The following JCAD variants were observed in gnomAD, a reference collection of about 807,000 sequenced individuals.
JCAD encodes junctional cadherin 5-associated protein.
In JCAD, 40 loss-of-function variants were observed where a neutral mutation model predicts 98.0. The ratio of observed to expected loss-of-function variants is 0.41; its 90% CI spans 0.32 to 0.53. The LOEUF (loss-of-function observed/expected upper bound fraction) is 0.53. JCAD is among the 20% of genes least tolerant of loss of function. JCAD has a pLI of 0.31. For synonymous variants in JCAD, 691 were observed against 682.3 expected (o/e 1.01, Z -0.20); for missense variants, 1,705 against 1,738.1 (o/e 0.98, Z 0.34).
intron 1 of JCAD, among the ~76,000 whole-genome samples, chr10:30,102,899 A>G (rs1174224776): frequency 6.6e-6 from 1 of 151,978 alleles, no homozygotes; most frequent in African/African-American, 2.4e-5. Flanking sequence ...GTGCAGGGGA[A>G]CTCCCCTTTA....
At chr10:30,083,895 C>T (rs1838125281) in intron 1 of JCAD, among the ~76,000 whole-genome samples, 1 of 151,972 alleles carries the variant, frequency 6.6e-6, no homozygotes, top group South Asian at 2.1e-4. Flanking sequence ...CATAGTGGTA[C>T]ACACCTCTAG....
intron 1 of JCAD, among the ~76,000 whole-genome samples, chr10:30,111,962 G>C (rs1056078365): frequency 6.6e-6 from 1 of 152,156 alleles, no homozygotes; most frequent in African/African-American, 2.4e-5. Flanking sequence ...CTCCCAGGTA[G>C]ATGCCCCCAA....
intron 1 of JCAD, among the ~76,000 whole-genome samples, chr10:30,103,628 ACACC>A (rs545816266): frequency 0.03 from 2,700 of 89,682 alleles, 74 homozygotes; most frequent in African/African-American, 0.077. Context: ...ACACACACAC[ACACC>A]CACACACACT....
intron 3 of JCAD, among the ~76,000 whole-genome samples, chr10:30,021,233 C>T (rs1334303939): frequency 6.6e-6 from 1 of 152,242 alleles, no homozygotes; most frequent in East Asian, 1.9e-4. Flanking sequence ...GGGTCTCACT[C>T]TGTCACCCAA....
chr10:30,029,965 G>A (rs1207699797), intron 2 of JCAD, 99 bp from the exon 3 acceptor site: 2 of 1,360,484 alleles, frequency 1.5e-6, no homozygotes, highest in African/African-American at 2.9e-5. Context: ...CAGCAACTTT[G>A]AAAACTTGGT....
At chr10:30,079,785 ACC>A (rs918786061) in intron 1 of JCAD, among the ~76,000 whole-genome samples, 1 of 152,220 alleles carries the variant, frequency 6.6e-6, no homozygotes, top group Non-Finnish European at 1.5e-5. Flanking sequence ...ACTTACAAAA[ACC>A]AGACAGTTGG....
chr10:30,063,108 G>A (rs1023012157), upstream of JCAD, among the ~76,000 whole-genome samples: 1 of 150,850 alleles, frequency 6.6e-6, no homozygotes, highest in African/African-American at 2.4e-5. Context: ...TGCAATTTGG[G>A]TCTCTTGCTT....
At chr10:30,058,637 G>C (rs865881075) in intron 1 of JCAD, among the ~76,000 whole-genome samples, 1 of 152,208 alleles carries the variant, frequency 6.6e-6, no homozygotes, top group Non-Finnish European at 1.5e-5. Flanking sequence ...TGTGGCCAGG[G>C]CATCGAGGCA....
At chr10:30,048,166 G>A (rs541563959) in intron 1 of JCAD, among the ~76,000 whole-genome samples, 37 of 152,290 alleles carry the variant, frequency 2.4e-4, no homozygotes, top group African/African-American at 8.4e-4. Context: ...GCAGTGACAT[G>A]ATTAACACTG....
intron 1 of JCAD, among the ~76,000 whole-genome samples, chr10:30,106,006 C>G (rs932100885): frequency 6.6e-6 from 1 of 152,196 alleles, no homozygotes; most frequent in Non-Finnish European, 1.5e-5. Flanking sequence ...GGAAGGAACA[C>G]AGCACTCCCT....
At chr10:30,049,418 G>A (rs1218056472) in intron 1 of JCAD, among the ~76,000 whole-genome samples, 5 of 152,168 alleles carry the variant, frequency 3.3e-5, no homozygotes, top group South Asian at 2.1e-4. Flanking sequence ...CGGGTCTGTC[G>A]CACAATTCTG....
Position 30,028,944 on chromosome 10 carries a change from G to C in JCAD, c.1204C>G (p.Arg402Gly). The C allele has an allele frequency of 6.2e-7, 1 of 1,613,872 alleles. No homozygotes were observed. The highest frequency in any genetic ancestry group is 1.6e-4 in the Middle Eastern group (1 of 6,062). The change falls in exon 3 of 4, where the codon CGC becomes GGC. Residue 402 changes from arginine (R) to glycine (G), a missense_variant. Arg to Gly is a moderately radical substitution (Grantham distance 125). Around this residue, in one of 3 missense-constraint regions of JCAD, gnomAD observed 1,278 missense variants for 1,243.1 expected, o/e 1.03. Transcript: ENST00000375377. ...TGTGCGGGGAGCCCCTGAGGCAAGC[G>C]GGGGCTCACACCATACTCATTCCCA... The part of the protein sequence containing the change: ...GTGNEYGVSP[R>G]LPQGLPAHPR...
intron 1 of JCAD, among the ~76,000 whole-genome samples, chr10:30,057,019 A>G (rs964693117): frequency 6.6e-6 from 1 of 152,240 alleles, no homozygotes; most frequent in African/African-American, 2.4e-5. Flanking sequence ...CAAAGGAGGA[A>G]AAACAACATC....
At chr10:30,108,478 A>G (rs2132717509) in intron 1 of JCAD, among the ~76,000 whole-genome samples, 1 of 152,330 alleles carries the variant, frequency 6.6e-6, no homozygotes, top group Non-Finnish European at 1.5e-5. Context: ...TGGGGCGACG[A>G]GAATTTTATC....
At position 30,028,828 on chromosome 10, in the gene JCAD, C is replaced by T. The variant is rs1203744691; in HGVS notation, c.1320G>A (p.Gln440=). The T allele has an allele frequency of 3.1e-6, 5 of 1,614,206 alleles. No homozygotes were observed. Among genetic ancestry groups the T allele is most frequent in the Non-Finnish European group, 4.2e-6 (5 of 1,180,042 alleles). The change falls in exon 3 of 4, where the codon CAG becomes CAA. Residue 440 remains glutamine (Q), a synonymous_variant. Transcript: ENST00000375377. ...RLRHFKLAQP[Q]GFCEDIKLDD... is the part of the protein sequence containing the mutation. ...CAAGCTTTATGTCTTCACAGAAACC[C>T]TGGGGCTGAGCTAGTTTAAAATGTC... is the stretch of plus-strand genomic sequence containing the variant.
intron 2 of JCAD, among the ~76,000 whole-genome samples, chr10:30,038,702 A>AAAAAAG (rs1554796973): frequency 6.6e-6 from 1 of 150,572 alleles, no homozygotes; most frequent in African/African-American, 2.4e-5. Flanking sequence ...AAAAAAAAAA[A>AAAAAAG]AAAGAAAGAA....
intron 2 of JCAD, among the ~76,000 whole-genome samples, chr10:30,032,766 A>G (rs1837028948): frequency 6.6e-6 from 1 of 152,210 alleles, no homozygotes; most frequent in Non-Finnish European, 1.5e-5. Context: ...TCTACTAGAT[A>G]TCTGGTATTA....
intron 1 of JCAD, among the ~76,000 whole-genome samples, chr10:30,080,135 G>T (rs1838057127): frequency 6.6e-6 from 1 of 151,900 alleles, no homozygotes; most frequent in African/African-American, 2.4e-5. Context: ...TAGTCAGTGA[G>T]TGAGGAAAAA....
intron 2 of JCAD, among the ~76,000 whole-genome samples, chr10:30,040,464 T>C (rs1837219457): frequency 1.3e-5 from 2 of 152,246 alleles, no homozygotes; most frequent in South Asian, 4.1e-4. Flanking sequence ...CAGAGTGCCA[T>C]GATAGACATG....
Sources: allele counts gnomAD v4.1 joint callset (sites outside exome capture counted in the v4.1 genomes callset), GRCh38; gene constraint gnomAD v4.1.1; regional missense constraint gnomAD v4.1.1; transcripts MANE v1.5; gene names NCBI Gene and HGNC (gene_info 2026-07-23, HGNC 2026-07-21).